LPIN1: variants seen among roughly 807,000 people sequenced by gnomAD.
LPIN1 encodes lipin 1, also known as phosphatidate phosphatase LPIN1.
LPIN1 carries 71 observed loss-of-function variants against 107.5 expected under a neutral mutation model. The observed-to-expected ratio is 0.66, with a 90% CI of 0.55 to 0.80. LPIN1 has a LOEUF of 0.80. Ranked by LOEUF, LPIN1 falls within the 30% of genes least tolerant of loss-of-function variation. The probability of loss-of-function intolerance (pLI) is 0.00; values close to 1 mark genes in which losing one functional copy is unlikely to be tolerated. For missense variants in LPIN1, 1,043 were observed against 1,160.6 expected (o/e 0.90, Z 1.47); for synonymous variants, 445 against 452.6 (o/e 0.98, Z 0.21).
chr2:11,769,857 C>T (rs1009962515), intron 3 of LPIN1, among the ~76,000 whole-genome samples: 4 of 152,168 alleles, frequency 2.6e-5, no homozygotes, highest in African/African-American at 4.8e-5. Flanking sequence ...TAAAAAGGAA[C>T]GGTTCTTTAT....
chr2:11,788,232 G>T (rs1675011674), intron 11 of LPIN1, among the ~76,000 whole-genome samples, 155 bp from the exon 12 acceptor site: 1 of 152,156 alleles, frequency 6.6e-6, no homozygotes, highest in African/African-American at 2.4e-5. Flanking sequence ...CTGCCTAGGG[G>T]TGATATGGAG....
chr2:11,793,206 G>A (rs550023119), intron 13 of LPIN1, among the ~76,000 whole-genome samples: 3 of 152,206 alleles, frequency 2.0e-5, no homozygotes, highest in Non-Finnish European at 4.4e-5. Context: ...GTCCATCTGT[G>A]GGTGAGATTC....
chr2:11,775,799 CGTT>C (rs752599611), intron 5 of LPIN1, among the ~76,000 whole-genome samples: 80 of 149,082 alleles, frequency 5.4e-4, no homozygotes, highest in Admixed American at 1.4e-3. Context: ...TTAAAAATGT[CGTT>C]GTTGAGAGTA....
At chr2:11,702,984 A>G (rs1276301651) in intron 1 of LPIN1, among the ~76,000 whole-genome samples, 1 of 152,172 alleles carries the variant, frequency 6.6e-6, no homozygotes, top group African/African-American at 2.4e-5. Context: ...CCAGGCTTGG[A>G]TATTTCTGCA....
chr2:11,733,117 T>C (rs1665417497), intron 1 of LPIN1, among the ~76,000 whole-genome samples: 1 of 152,030 alleles, frequency 6.6e-6, no homozygotes, highest in South Asian at 2.1e-4. Context: ...CTCAGAAAAA[T>C]GCACCCCATG....
chr2:11,703,594 G>A (rs1178743247), intron 1 of LPIN1, among the ~76,000 whole-genome samples: 3 of 151,998 alleles, frequency 2.0e-5, no homozygotes, highest in African/African-American at 4.8e-5. Context: ...ACACACAAAC[G>A]GGCACGTATC....
At chr2:11,781,930 C>T (rs1467855451) in intron 7 of LPIN1, among the ~76,000 whole-genome samples, 1 of 152,240 alleles carries the variant, frequency 6.6e-6, no homozygotes, top group African/African-American at 2.4e-5. Context: ...GACTTGTAAT[C>T]TAACAGCATT....
In LPIN1 at chr2:11,783,920, A is replaced by C; in HGVS notation, c.1356A>C (p.Lys452Asn). The change falls in exon 9 of 21, where the codon AAA becomes AAC. Residue 452 changes from lysine to asparagine, a missense_variant and splice_region_variant. Physicochemically the swap from Lys to Asn is moderately conservative, Grantham distance 94. Coordinates refer to ENST00000674199, the MANE Select transcript of LPIN1 (RefSeq NM_001349206.2). ...AAGTGGCGGCCCTGTATTTTCCCAA[A>C]AAGTAAAATTCCTGTTAATTCCTCA... ...DPEVAALYFP[K>N]NGDPSGLAKH... The C allele has an allele frequency of 6.2e-7, 1 of 1,614,032 alleles. No individual in the cohort carries two copies. Among genetic ancestry groups the C allele is most frequent in the Non-Finnish European group, 8.5e-7 (1 of 1,179,906 alleles).
In LPIN1 at chr2:11,821,359, A is replaced by G. The variant is rs186386356; in HGVS notation, c.2621+845A>G. ...TGGAGAAACCCCGTCTCTCCTAAAA[A>G]TAGAAAAATTAGCCAGGTGTGGTGG... On this transcript the variant is annotated intron_variant, in intron 20 of 20. Coordinates refer to ENST00000674199, the MANE Select transcript of LPIN1 (RefSeq NM_001349206.2). Among the ~76,000 whole-genome samples, 123 of 152,344 alleles carry G rather than the reference A, an allele frequency of 8.1e-4. 1 individual carries two copies. The highest frequency in any genetic ancestry group is 2.8e-3 in the African/African-American group (118 of 41,576).
At chr2:11,766,113 C>A (rs935661083) in intron 2 of LPIN1, among the ~76,000 whole-genome samples, 1 of 152,198 alleles carries the variant, frequency 6.6e-6, no homozygotes, top group Non-Finnish European at 1.5e-5. Flanking sequence ...GGGCTCTTCG[C>A]TGAGGCTTTG....
At chr2:11,817,397 A>G (rs1302295482) in intron 18 of LPIN1, 1 of 152,114 alleles carries the variant, frequency 6.6e-6, no homozygotes, top group African/African-American at 2.4e-5. Flanking sequence ...AAATAAACTT[A>G]GTTTTATGTC....
intron 1 of LPIN1, among the ~76,000 whole-genome samples, chr2:11,692,475 T>C (rs1330494344): frequency 6.6e-6 from 1 of 152,270 alleles, no homozygotes; most frequent in Non-Finnish European, 1.5e-5. Context: ...TCTACCCCTG[T>C]TGATGTTGAC....
intron 13 of LPIN1, among the ~76,000 whole-genome samples, chr2:11,792,602 C>G (rs538128121): frequency 6.6e-6 from 1 of 152,224 alleles, no homozygotes; most frequent in African/African-American, 2.4e-5. Flanking sequence ...AGGCTGGTCT[C>G]AAACTCCTGG....
intron 7 of LPIN1, 32 bp from the exon 8 acceptor site, chr2:11,782,165 GTCTC>G (rs370353314): frequency 3.4e-5 from 52 of 1,544,004 alleles, no homozygotes; most frequent in Non-Finnish European, 4.7e-5. Flanking sequence ...TGCTGACCTT[GTCTC>G]TCTCTCTGTC....
chr2:11,779,816 A>T (rs963602892), intron 7 of LPIN1, among the ~76,000 whole-genome samples, 171 bp downstream of exon 7: 3 of 152,202 alleles, frequency 2.0e-5, no homozygotes, highest in Admixed American at 6.5e-5. Flanking sequence ...CCACGTTACC[A>T]ACATTATAGA....
At chr2:11,733,941 A>G (rs906355750) in intron 1 of LPIN1, among the ~76,000 whole-genome samples, 15 of 152,234 alleles carry the variant, frequency 9.9e-5, no homozygotes, top group Admixed American at 1.3e-4. Flanking sequence ...CTGAAATTCA[A>G]TGCGATTAAA....
intron 13 of LPIN1, chr2:11,792,235 G>C: frequency 2.0e-6 from 1 of 499,068 alleles, no homozygotes; most frequent in South Asian, 2.1e-5. Flanking sequence ...TGTAACTGTT[G>C]GGAGACTGTG....
chr2:11,815,855 T>A (rs1244774688), intron 18 of LPIN1, among the ~76,000 whole-genome samples: 2 of 152,148 alleles, frequency 1.3e-5, no homozygotes, highest in African/African-American at 4.8e-5. Context: ...TCAAGGTAGC[T>A]AAGCCAGACT....
intron 20 of LPIN1, among the ~76,000 whole-genome samples, chr2:11,824,113 G>T (rs939054725): frequency 7.2e-5 from 11 of 152,070 alleles, no homozygotes; most frequent in Non-Finnish European, 1.5e-4. Context: ...TACAGTGGAG[G>T]AAATTGGCTT....
Sources: gnomAD v4.1 joint callset for allele counts (sites outside exome capture counted in the v4.1 genomes callset) on GRCh38, gnomAD v4.1.1 for gene constraint, MANE v1.5 for transcripts, NCBI Gene and HGNC (gene_info 2026-07-23, HGNC 2026-07-21) for gene names.